AMZ2: variants seen among roughly 807,000 people sequenced by gnomAD.
AMZ2 encodes archaemetzincin-2.
In AMZ2, 26 loss-of-function variants were observed where a neutral mutation model predicts 36.7. The observed-to-expected ratio is 0.71, with a 90% CI of 0.52 to 0.98. The LOEUF (loss-of-function observed/expected upper bound fraction) is 0.98, where lower values mean the gene tolerates loss of function less well. AMZ2 is among the 50% of genes least tolerant of loss of function. The pLI, the probability that AMZ2 is intolerant of heterozygous loss-of-function variation, is 0.00. For synonymous variants in AMZ2, 144 were observed against 149.1 expected (o/e 0.97, Z 0.25); for missense variants, 394 against 430.5 (o/e 0.92, Z 0.75).
chr17:68,253,715 T>C (rs1599432358), intron 4 of AMZ2, among the ~76,000 whole-genome samples: 1 of 151,966 alleles, frequency 6.6e-6, no homozygotes, highest in African/African-American at 2.4e-5. Context: ...ATCTGTTTAG[T>C]GTGTCCTTAA....
chr17:68,224,472 T>C (rs1395877912), intron 1 of AMZ2, among the ~76,000 whole-genome samples: 1 of 152,156 alleles, frequency 6.6e-6, no homozygotes, highest in East Asian at 1.9e-4. Flanking sequence ...TGCGGCAGTT[T>C]CAGTTTATTG....
intron 2 of AMZ2, 121 bp from the exon 3 acceptor site, chr17:68,250,673 T>C (rs1370670378): frequency 8.4e-7 from 1 of 1,187,194 alleles, no homozygotes; most frequent in Non-Finnish European, 1.2e-6. Flanking sequence ...CAATGAATGA[T>C]AAAGGTTATT....
chr17:68,207,779 G>T (rs1203046022), intron 1 of AMZ2, among the ~76,000 whole-genome samples: 1 of 152,236 alleles, frequency 6.6e-6, no homozygotes, highest in Non-Finnish European at 1.5e-5. Context: ...CCTTCAGCCC[G>T]CCACTGTACT....
chr17:68,255,884 G>A lies in AMZ2; in HGVS notation c.927+8G>A, dbSNP rs1555742681. The A allele has an allele frequency of 6.2e-7, 1 of 1,613,182 alleles. No homozygotes were observed. Among genetic ancestry groups the A allele is most frequent in the Admixed American group, 1.7e-5 (1 of 59,972 alleles). On this transcript the variant is annotated splice_region_variant and intron_variant, in intron 6 of 6. Transcript: ENST00000359904. ...ATTGTAGAAAGATACAAAGTAAGTT[G>A]GGGGGTGGACAGTCTAAAGAGGGGG...
At chr17:68,236,075 C>A (rs1555732473) in intron 1 of AMZ2, among the ~76,000 whole-genome samples, 1 of 151,994 alleles carries the variant, frequency 6.6e-6, no homozygotes, top group Non-Finnish European at 1.5e-5. Context: ...GGTGATCCAC[C>A]CGCCTCGGCC....
At chr17:68,231,870 A>G (rs1375208409) in intron 1 of AMZ2, among the ~76,000 whole-genome samples, 1 of 152,110 alleles carries the variant, frequency 6.6e-6, no homozygotes, top group African/African-American at 2.4e-5. Context: ...ATGAACAACA[A>G]ATCACTTTTA....
At position 68,250,300 on chromosome 17, in the gene AMZ2, A is replaced by G. The variant is rs1350465930; in HGVS notation, c.113A>G (p.Asn38Ser). 5.0e-6 allele frequency: 8 copies of G among 1,614,208 alleles called. No individual in the cohort carries two copies. The highest frequency in any genetic ancestry group is 5.9e-6 in the Non-Finnish European group (7 of 1,180,044). Residue 38 changes from asparagine (N) to serine (S), a missense_variant, in exon 2 of 7, where the codon AAT (asparagine) becomes AGT (serine). Coordinates refer to ENST00000359904, the MANE Select transcript of AMZ2 (RefSeq NM_016627.5). ...KLNAGEQRLM[N>S]EAFQPASDLF... is the part of the protein sequence containing the mutation. ...AATGCTGGGGAACAACGTTTAATGA[A>G]TGAAGCCTTCCAGCCAGCCAGTGAT...
At chr17:68,249,089 C>G (rs2074244883) in intron 1 of AMZ2, 5 of 1,187,252 alleles carry the variant, frequency 4.2e-6, no homozygotes, top group Non-Finnish European at 5.2e-6. Flanking sequence ...TGGAAGAAAC[C>G]TGTCATTGTG....
At chr17:68,234,457 T>G (rs1407415660) in intron 1 of AMZ2, among the ~76,000 whole-genome samples, 1 of 151,508 alleles carries the variant, frequency 6.6e-6, no homozygotes, top group Non-Finnish European at 1.5e-5. Flanking sequence ...TGCATTATTT[T>G]AATAAAAACA....
At chr17:68,236,086 T>TC (rs1286901143) in intron 1 of AMZ2, among the ~76,000 whole-genome samples, 1 of 152,078 alleles carries the variant, frequency 6.6e-6, no homozygotes, top group Non-Finnish European at 1.5e-5. Flanking sequence ...CGCCTCGGCC[T>TC]CCCAAAGTGC....
At chr17:68,250,521 T>C (rs1555738869) in intron 2 of AMZ2, 51 bp downstream of exon 2, 2 of 1,585,628 alleles carry the variant, frequency 1.3e-6, no homozygotes, top group Admixed American at 1.7e-5. Flanking sequence ...GTGGCGCTCT[T>C]GTCAGGAATA....
At chr17:68,228,019 G>A (rs7214223) in intron 1 of AMZ2, among the ~76,000 whole-genome samples, 19,490 of 152,018 alleles carry the variant, frequency 0.13, 1,540 homozygotes, top group East Asian at 0.29. Context: ...ACCCAGCTGC[G>A]GGGGACATGT....
At chr17:68,246,566 C>CA (rs1555735561), upstream of AMZ2, 3 of 152,160 alleles carry the variant, frequency 2.0e-5, no homozygotes, top group Non-Finnish European at 4.4e-5. Context: ...CACGACTTCT[C>CA]AAGCATTGAA....
At chr17:68,246,101 T>A (rs2073996646), upstream of AMZ2, among the ~76,000 whole-genome samples, 1 of 148,164 alleles carries the variant, frequency 6.7e-6, no homozygotes, top group South Asian at 2.1e-4. Flanking sequence ...AGGTCAGGAG[T>A]TCAAGACCAG....
intron 1 of AMZ2, chr17:68,206,777 G>A (rs2072847572): frequency 6.6e-6 from 1 of 152,204 alleles, no homozygotes; most frequent in African/African-American, 2.4e-5. Context: ...CCCTAGCTGT[G>A]GTTTTAAAAT....
chr17:68,238,586 T>TACACACAC (rs10528850), intron 1 of AMZ2, among the ~76,000 whole-genome samples: 50,363 of 150,852 alleles, frequency 0.33, 8,903 homozygotes, highest in African/African-American at 0.45. Context: ...CACACATATG[T>TACACACAC]ACACACACAC....
At position 68,251,003 on chromosome 17, in the gene AMZ2, A is replaced by G. The variant is rs782782501; in HGVS notation, c.457+36A>G. 6 of 1,609,970 alleles carry G rather than the reference A, an allele frequency of 3.7e-6. No individual in the cohort carries two copies. The South Asian group carries it at 5.6e-5, about 15-fold the overall frequency. On this transcript the variant is annotated intron_variant, in intron 3 of 6. Coordinates refer to ENST00000359904, the MANE Select transcript of AMZ2 (RefSeq NM_016627.5). Reference sequence around the variant, plus strand: ...CGACTTTGCAATTCGAACTGAGTATATGTATATAATATACACTCATACATT... The same window carrying G: ...CGACTTTGCAATTCGAACTGAGTATGTGTATATAATATACACTCATACATT...
chr17:68,231,092 C>A (rs2073651435), intron 1 of AMZ2, among the ~76,000 whole-genome samples: 1 of 150,008 alleles, frequency 6.7e-6, no homozygotes, highest in Admixed American at 6.7e-5. Context: ...AAGACCGGGT[C>A]TCCCTTTGTC....
chr17:68,225,190 T>TA (rs35624305), intron 1 of AMZ2, among the ~76,000 whole-genome samples: 12,564 of 151,854 alleles, frequency 0.083, 734 homozygotes, highest in Non-Finnish European at 0.12. Flanking sequence ...CACTCTGTCT[T>TA]AAAAAAACAA....
Sources: allele counts gnomAD v4.1 joint callset (sites outside exome capture counted in the v4.1 genomes callset), GRCh38; gene constraint gnomAD v4.1.1; transcripts MANE v1.5; gene names NCBI Gene and HGNC (gene_info 2026-07-23, HGNC 2026-07-21).